Variants in TTC28 observed in about 807,000 individuals in gnomAD.
The protein encoded by TTC28 is tetratricopeptide repeat protein 28.
Under a neutral mutation model 198.0 loss-of-function variants are expected in TTC28, and 61 were observed. That is an observed-to-expected ratio of 0.31 (90% CI 0.25 to 0.38). TTC28 has a LOEUF of 0.38. Among genes scored for constraint, TTC28 ranks in the 10% least tolerant of loss-of-function variants. TTC28 has a pLI of 1.00. For missense variants in TTC28, 2,678 were observed against 3,164.0 expected, an observed-to-expected ratio of 0.85 and a Z score of 3.69; for synonymous variants, 1,171 against 1,297.8, an observed-to-expected ratio of 0.90 and a Z score of 2.10.
At chr22:28,037,919 T>C (rs1031381177) in intron 12 of TTC28, among the ~76,000 whole-genome samples, 9 of 152,166 alleles carry the variant, frequency 5.9e-5, no homozygotes, top group Admixed American at 2.0e-4. Context: ...CCATTCGCGA[T>C]TGCTTCAAAG....
intron 2 of TTC28, among the ~76,000 whole-genome samples, chr22:28,422,618 T>A (rs2047276809): frequency 6.6e-6 from 1 of 151,806 alleles, no homozygotes; most frequent in Non-Finnish European, 1.5e-5. Context: ...TTTTGTAATT[T>A]TTTTTTTTAG....
intron 12 of TTC28, among the ~76,000 whole-genome samples, chr22:28,035,926 C>T (rs1331370978): frequency 6.6e-6 from 1 of 152,190 alleles, no homozygotes. Flanking sequence ...ATCAAGTCAA[C>T]AAGAAGAGCT....
intron 13 of TTC28, among the ~76,000 whole-genome samples, chr22:28,028,018 C>A (rs993324990): frequency 6.6e-6 from 1 of 152,252 alleles, no homozygotes; most frequent in East Asian, 1.9e-4. Flanking sequence ...CCAGAACCCC[C>A]CTTCCTGGCT....
At chr22:28,574,486 C>T (rs768635061) in intron 2 of TTC28, among the ~76,000 whole-genome samples, 1 of 152,076 alleles carries the variant, frequency 6.6e-6, no homozygotes, top group Admixed American at 6.6e-5. Flanking sequence ...CAATAAATAC[C>T]GGAGTGCAGC....
intron 1 of TTC28, among the ~76,000 whole-genome samples, chr22:28,643,478 G>C (rs1569079346): frequency 6.6e-6 from 1 of 152,102 alleles, no homozygotes; most frequent in Non-Finnish European, 1.5e-5. Flanking sequence ...CCCAGTCCTT[G>C]GGTCAATTAA....
At chr22:28,455,713 C>CAAAAAAAAA (rs747031430) in intron 2 of TTC28, among the ~76,000 whole-genome samples, 1 of 121,942 alleles carries the variant, frequency 8.2e-6, no homozygotes. Flanking sequence ...GACTCTTTCC[C>CAAAAAAAAA]AAAAAAAAAA....
chr22:28,059,918 C>A (rs922242824), intron 12 of TTC28, among the ~76,000 whole-genome samples: 1 of 151,686 alleles, frequency 6.6e-6, no homozygotes, highest in Non-Finnish European at 1.5e-5. Context: ...GTTTTCTACC[C>A]ATTTATTTTC....
At chr22:28,138,420 A>G (rs573956012) in intron 6 of TTC28, among the ~76,000 whole-genome samples, 9 of 152,370 alleles carry the variant, frequency 5.9e-5, no homozygotes, top group African/African-American at 2.2e-4. Flanking sequence ...AAATGTTTAC[A>G]AGTATTTGCA....
intron 2 of TTC28, among the ~76,000 whole-genome samples, chr22:28,494,353 C>T (rs954074767): frequency 2.6e-5 from 4 of 152,158 alleles, no homozygotes; most frequent in Non-Finnish European, 4.4e-5. Flanking sequence ...TTCCTACTTA[C>T]ACAAACCAAA....
intron 14 of TTC28, 39 bp downstream of exon 14, chr22:28,014,209 C>G: frequency 6.5e-7 from 1 of 1,534,362 alleles, no homozygotes; most frequent in South Asian, 1.2e-5. Flanking sequence ...GCGATGTGTT[C>G]TGATGCGGAG....
chr22:28,402,868 C>G (rs2046938957), intron 2 of TTC28, among the ~76,000 whole-genome samples: 1 of 152,216 alleles, frequency 6.6e-6, no homozygotes, highest in East Asian at 1.9e-4. Context: ...CTGTTTAACT[C>G]CATCTGTGAA....
intron 12 of TTC28, among the ~76,000 whole-genome samples, chr22:28,065,156 C>T (rs1341064183): frequency 6.6e-6 from 1 of 152,196 alleles, no homozygotes; most frequent in African/African-American, 2.4e-5. Context: ...CCAGGACAGA[C>T]TCTTACCATG....
chr22:27,997,497 A>T (rs1937573088), intron 16 of TTC28: 1 of 152,222 alleles, frequency 6.6e-6, no homozygotes, highest in South Asian at 2.1e-4. Flanking sequence ...AGAGGGACTG[A>T]CCCACCTTTG....
intron 5 of TTC28, among the ~76,000 whole-genome samples, chr22:28,254,211 C>A (rs1930726079): frequency 6.6e-6 from 1 of 151,716 alleles, no homozygotes; most frequent in South Asian, 2.1e-4. Context: ...GTCCAGCAGG[C>A]CACTGAATAT....
In TTC28 at chr22:28,643,513, T is replaced by C. The variant is rs1296764392; in HGVS notation, c.103-13683A>G. ...AGTGAATACTTCTCAAACGTTTCCT[T>C]AAAATTATCTTAGTAGGCATCCTTG... On this transcript the variant is annotated intron_variant, in intron 1 of 22. Transcript: ENST00000397906. 2.0e-5 allele frequency among the ~76,000 whole-genome samples: 3 copies of C among 152,238 alleles called. No individual in the cohort carries two copies. The East Asian group carries it at 5.8e-4, about 29-fold the overall frequency.
At chr22:28,539,741 T>C (rs1263392292) in intron 2 of TTC28, among the ~76,000 whole-genome samples, 1 of 148,774 alleles carries the variant, frequency 6.7e-6, no homozygotes, top group Non-Finnish European at 1.5e-5. Context: ...AGGGATAGAG[T>C]ATCAAGAAGA....
chr22:28,598,928 G>A (rs1316872350), intron 2 of TTC28, among the ~76,000 whole-genome samples: 1 of 152,164 alleles, frequency 6.6e-6, no homozygotes, highest in Non-Finnish European at 1.5e-5. Context: ...TAGTGATGTG[G>A]TAGATTACAA....
intron 5 of TTC28, among the ~76,000 whole-genome samples, chr22:28,249,875 C>T (rs1930395930): frequency 6.6e-6 from 1 of 152,174 alleles, no homozygotes. Context: ...GGCCTGAAGA[C>T]CAGCCATTCA....
At chr22:28,326,719 A>G (rs2045535820) in intron 2 of TTC28, among the ~76,000 whole-genome samples, 1 of 152,132 alleles carries the variant, frequency 6.6e-6, no homozygotes, top group Non-Finnish European at 1.5e-5. Flanking sequence ...AAAATGTTAT[A>G]AACCGATTTC....
Sources: gnomAD v4.1 joint callset for allele counts (sites outside exome capture counted in the v4.1 genomes callset) on GRCh38, gnomAD v4.1.1 for gene constraint, MANE v1.5 for transcripts, NCBI Gene and HGNC (gene_info 2026-07-23, HGNC 2026-07-21) for gene names.